ADARB2: variants seen among roughly 807,000 people sequenced by gnomAD.
ADARB2 encodes the protein adenosine deaminase RNA specific B2 (inactive).
A neutral mutation model predicts 62.2 loss-of-function variants in ADARB2; 25 were observed. That is an observed-to-expected ratio of 0.40 (90% CI 0.29 to 0.56). The LOEUF is 0.56. ADARB2 is among the 20% of genes least tolerant of loss of function. The pLI is 0.43. For missense variants in ADARB2, 1,071 were observed against 1,077.4 expected (o/e 0.99, Z 0.08); for synonymous variants, 572 against 500.8 (o/e 1.14, Z -1.90).
At chr10:1,551,627 T>C (rs1376436599) in intron 1 of ADARB2, among the ~76,000 whole-genome samples, 1 of 152,232 alleles carries the variant, frequency 6.6e-6, no homozygotes, top group African/African-American at 2.4e-5. Flanking sequence ...TTAAGGTCTT[T>C]CTTCCAATGA....
intron 1 of ADARB2, among the ~76,000 whole-genome samples, chr10:1,662,860 C>T (rs1055466675): frequency 3.9e-5 from 6 of 152,210 alleles, no homozygotes; most frequent in South Asian, 4.1e-4. Context: ...TGGCTCCTGA[C>T]GGGCAGCGGC....
intron 1 of ADARB2, among the ~76,000 whole-genome samples, chr10:1,606,277 A>G (rs1833492335): frequency 6.6e-6 from 1 of 152,146 alleles, no homozygotes; most frequent in African/African-American, 2.4e-5. Context: ...TAGAAGTGCA[A>G]AGTCAAGCCC....
chr10:1,557,237 A>G (rs542950062), intron 1 of ADARB2, among the ~76,000 whole-genome samples: 83 of 22,474 alleles, frequency 3.7e-3, no homozygotes, highest in Middle Eastern at 0.045. Flanking sequence ...CCCAGCCACC[A>G]CCTCGTCTGA....
intron 1 of ADARB2, among the ~76,000 whole-genome samples, chr10:1,391,084 C>G (rs1294123348): frequency 6.6e-6 from 1 of 152,206 alleles, no homozygotes; most frequent in Non-Finnish European, 1.5e-5. Context: ...CGAAATAGCT[C>G]ATTTTGTCTG....
intron 1 of ADARB2, among the ~76,000 whole-genome samples, chr10:1,396,775 CTCCTCTCCCCTCCCGA>C (rs1564278956): frequency 2.2e-4 from 10 of 45,636 alleles, no homozygotes; most frequent in South Asian, 9.6e-4. Flanking sequence ...GGTCACTGTC[CTCCTCTCCCCTCCCGA>C]GTGGAGGCTT....
intron 1 of ADARB2, among the ~76,000 whole-genome samples, chr10:1,619,398 A>C (rs1349380239): frequency 6.6e-6 from 1 of 152,232 alleles, no homozygotes; most frequent in Non-Finnish European, 1.5e-5. Context: ...ATTAAATGAC[A>C]GTATTAATCA....
chr10:1,344,345 G>A (rs1417275148), intron 3 of ADARB2, among the ~76,000 whole-genome samples: 1 of 152,244 alleles, frequency 6.6e-6, no homozygotes, highest in South Asian at 2.1e-4. Context: ...ATGACCTGGT[G>A]AGAAGGTGAT....
chr10:1,259,007 G>T (rs1831107395), intron 4 of ADARB2, among the ~76,000 whole-genome samples: 1 of 152,200 alleles, frequency 6.6e-6, no homozygotes. Flanking sequence ...AGTCAAAACT[G>T]CTCAACTACA....
intron 1 of ADARB2, among the ~76,000 whole-genome samples, chr10:1,528,388 AGTGCAC>A (rs1157485879): frequency 6.6e-6 from 1 of 152,198 alleles, no homozygotes; most frequent in Non-Finnish European, 1.5e-5. Flanking sequence ...CTGATCTGAC[AGTGCAC>A]GTGAATCTAT....
chr10:1,438,438 G>C (rs1830859521), intron 1 of ADARB2, among the ~76,000 whole-genome samples: 1 of 150,056 alleles, frequency 6.7e-6, no homozygotes, highest in African/African-American at 2.5e-5. Flanking sequence ...CTTCACTATG[G>C]GGCTCCTGAG....
intron 1 of ADARB2, among the ~76,000 whole-genome samples, chr10:1,579,581 G>T (rs1342859323): frequency 6.6e-6 from 1 of 152,138 alleles, no homozygotes; most frequent in Non-Finnish European, 1.5e-5. Flanking sequence ...CTCCAGTGAG[G>T]CAGCATGTCA....
chr10:1,641,613 G>A (rs1159388813), intron 1 of ADARB2, among the ~76,000 whole-genome samples: 1 of 152,112 alleles, frequency 6.6e-6, no homozygotes, highest in Non-Finnish European at 1.5e-5. Flanking sequence ...GAGTGTGGCT[G>A]GGAGACTCTG....
intron 6 of ADARB2, among the ~76,000 whole-genome samples, chr10:1,226,991 C>T (rs888310914): frequency 6.6e-6 from 1 of 152,256 alleles, no homozygotes; most frequent in Admixed American, 6.5e-5. Flanking sequence ...CTGTTCCCTG[C>T]CCCCAGAGGT....
chr10:1,446,859 C>T (rs114139266), intron 1 of ADARB2, among the ~76,000 whole-genome samples: 13,358 of 152,124 alleles, frequency 0.088, 653 homozygotes, highest in South Asian at 0.19. Flanking sequence ...TGCCAAAGTG[C>T]CTGACTTAGG....
chr10:1,458,892 G>A (rs548092525), intron 1 of ADARB2, among the ~76,000 whole-genome samples: 24 of 151,990 alleles, frequency 1.6e-4, no homozygotes, highest in Non-Finnish European at 3.5e-4. Context: ...ATTTAAAAAG[G>A]TACTTTTCAA....
intron 3 of ADARB2, among the ~76,000 whole-genome samples, chr10:1,352,519 G>A (rs1322269245): frequency 1.3e-5 from 2 of 152,102 alleles, no homozygotes; most frequent in African/African-American, 2.4e-5. Flanking sequence ...AGCCAGGACC[G>A]CGTCCTGTAG....
At chr10:1,682,716 G>A (rs564361015) in intron 1 of ADARB2, among the ~76,000 whole-genome samples, 13 of 152,346 alleles carry the variant, frequency 8.5e-5, no homozygotes, top group Admixed American at 5.2e-4. Context: ...CCCCAACACC[G>A]TGGCCAGGCG....
intron 1 of ADARB2, among the ~76,000 whole-genome samples, chr10:1,583,269 T>TA (rs1443949786): frequency 6.6e-6 from 1 of 152,202 alleles, no homozygotes; most frequent in Non-Finnish European, 1.5e-5. Flanking sequence ...GTCACTGTCA[T>TA]AAAAACAGTT....
intron 1 of ADARB2, among the ~76,000 whole-genome samples, chr10:1,613,568 G>A (rs557116286): frequency 2.0e-5 from 3 of 152,172 alleles, no homozygotes; most frequent in Non-Finnish European, 4.4e-5. Flanking sequence ...GCTCATTTTC[G>A]TGAATGCAGA....
Sources: gnomAD v4.1 joint callset for allele counts (sites outside exome capture counted in the v4.1 genomes callset) on GRCh38, gnomAD v4.1.1 for gene constraint, MANE v1.5 for transcripts, NCBI Gene and HGNC (gene_info 2026-07-23, HGNC 2026-07-21) for gene names.